The following CFAP44 variants were observed in gnomAD, a reference collection of about 807,000 sequenced individuals.
CFAP44 encodes the protein cilia- and flagella-associated protein 44.
A neutral mutation model predicts 216.2 loss-of-function variants in CFAP44; 134 were observed. The observed-to-expected ratio is 0.62, with a 90% CI of 0.54 to 0.72. The LOEUF is 0.72. Among genes scored for constraint, CFAP44 ranks in the 30% least tolerant of loss-of-function variants. The pLI, the probability that CFAP44 is intolerant of heterozygous loss-of-function variation, is 0.00. For synonymous variants in CFAP44, 700 were observed against 727.6 expected (o/e 0.96, Z 0.61); for missense variants, 2,035 against 2,182.1 (o/e 0.93, Z 1.34).
At chr3:113,316,199 T>C (rs946985895) in intron 28 of CFAP44, among the ~76,000 whole-genome samples, 1 of 152,208 alleles carries the variant, frequency 6.6e-6, no homozygotes, top group African/African-American at 2.4e-5. Context: ...ATACAATTCA[T>C]GGGATACAGA....
rs935838021 is a variant in CFAP44 at position 113,294,729 on chromosome 3, C to G, written c.5331G>C (p.Lys1777Asn). The G allele has an allele frequency of 2.6e-6, 4 of 1,535,890 alleles. No individual in the cohort carries two copies. Among genetic ancestry groups the G allele is most frequent in the African/African-American group, 2.7e-5 (2 of 72,962 alleles). Residue 1777 changes from lysine to asparagine, a missense_variant, in exon 34 of 35, where the codon AAG (lysine) becomes AAC (asparagine). Physicochemically the swap from Lys to Asn is moderately conservative, Grantham distance 94. Transcript: ENST00000393845. Reference sequence around the variant, plus strand: ...TATTCAACCGAGAATCAAGTTTCTTCTTTTCAATACACAAATCATTCATCT... The same window carrying G: ...TATTCAACCGAGAATCAAGTTTCTTGTTTTCAATACACAAATCATTCATCT... ...LYQMNDLCIE[K>N]KKLDSRLNTL...
intron 4 of CFAP44, among the ~76,000 whole-genome samples, chr3:113,420,557 T>C (rs924097184): frequency 6.6e-6 from 1 of 152,304 alleles, no homozygotes; most frequent in Non-Finnish European, 1.5e-5. Flanking sequence ...ACCTAAATAA[T>C]TTTATTTTCC....
intron 6 of CFAP44, among the ~76,000 whole-genome samples, chr3:113,412,312 C>A (rs936065447): frequency 2.6e-5 from 4 of 152,108 alleles, no homozygotes; most frequent in Non-Finnish European, 5.9e-5. Context: ...TATGGATTCA[C>A]CTCAAATTAT....
At chr3:113,322,951 TC>T (rs777123647) in intron 28 of CFAP44, among the ~76,000 whole-genome samples, 26 of 152,282 alleles carry the variant, frequency 1.7e-4, no homozygotes, top group Non-Finnish European at 3.4e-4. Flanking sequence ...CATGTCCTCC[TC>T]CACATGGCAG....
chr3:113,393,996 T>C (rs1358958862), intron 15 of CFAP44, among the ~76,000 whole-genome samples: 2 of 152,232 alleles, frequency 1.3e-5, no homozygotes, highest in Non-Finnish European at 2.9e-5. Context: ...TATTCCTTTA[T>C]AGCCATACAA....
At position 113,420,065 on chromosome 3, in the gene CFAP44, T is replaced by C. The variant is rs1428028327; in HGVS notation, c.522A>G (p.Glu174=). ...QLIFLNLKTK[E]QIYLRSSSGE... Reference sequence around the variant, plus strand: ...CACTGCTACTTCGCAGGTAGATCTGTTCCTTGGTTTTCAAATTCAGAAAGA... The same window carrying C: ...CACTGCTACTTCGCAGGTAGATCTGCTCCTTGGTTTTCAAATTCAGAAAGA... The change falls in exon 5 of 35, where the codon GAA becomes GAG. Residue 174 remains glutamate, a synonymous_variant. Transcript: ENST00000393845. The C allele has an allele frequency of 2.5e-6, 4 of 1,613,736 alleles. No homozygotes were observed. Among genetic ancestry groups the C allele is most frequent in the Non-Finnish European group, 2.5e-6 (3 of 1,179,856 alleles).
In CFAP44 at chr3:113,433,609, C is replaced by T; in HGVS notation, c.56G>A (p.Ser19Asn). The stretch of plus-strand genomic sequence containing the variant: ...AGACCTCAGAGACTTCTTCCCATCA[C>T]TCTTTGATGTAACTGATTTCTCCCC... ...TDGEKSVTSK[S>N]DGKKSLRSSK... Residue 19 changes from serine (S) to asparagine (N), a missense_variant, in exon 2 of 35, where the codon AGT becomes AAT. By Grantham distance (46) the Ser-to-Asn change is conservative. Coordinates refer to ENST00000393845, the MANE Select transcript of CFAP44 (RefSeq NM_001164496.2). 1 of 1,613,328 alleles carries T rather than the reference C, an allele frequency of 6.2e-7. No homozygotes were observed. The highest frequency in any genetic ancestry group is 8.5e-7 in the Non-Finnish European group (1 of 1,179,888).
intron 27 of CFAP44, among the ~76,000 whole-genome samples, chr3:113,327,318 C>T (rs1950197297): frequency 6.6e-6 from 1 of 151,900 alleles, no homozygotes; most frequent in Admixed American, 6.6e-5. Context: ...TTTAGGGAAC[C>T]CAACTCACCA....
intron 24 of CFAP44, among the ~76,000 whole-genome samples, chr3:113,334,969 C>T (rs566070886): frequency 6.6e-6 from 1 of 151,686 alleles, no homozygotes; most frequent in East Asian, 1.9e-4. Context: ...ATTGTATTAA[C>T]TGATAATCAT....
At chr3:113,418,045 T>C (rs1056214660) in intron 5 of CFAP44, among the ~76,000 whole-genome samples, 4 of 139,640 alleles carry the variant, frequency 2.9e-5, no homozygotes, top group African/African-American at 5.3e-5. Flanking sequence ...ATTTAATTAT[T>C]TATTGAGACA....
Position 113,395,756 on chromosome 3 carries a change from C to T in CFAP44, c.1884G>A (p.Met628Ile). ...ACAAATAATAATGACTTACATGAGA[C>T]ATGGGAGACCACATTAACTGACACA... is the stretch of plus-strand genomic sequence containing the variant. ...GPVCQLMWSP[M>I]SHPESTLLII... Residue 628 changes from methionine to isoleucine, a missense_variant, in exon 15 of 35, where the codon ATG becomes ATA. Around this residue, in one of 3 missense-constraint regions of CFAP44, gnomAD observed 1,883 missense variants for 2,023.7 expected, o/e 0.93. Coordinates refer to ENST00000393845, the MANE Select transcript of CFAP44 (RefSeq NM_001164496.2). 6.2e-7 allele frequency: 1 copy of T among 1,608,872 alleles called. No individual in the cohort carries two copies. The highest frequency in any genetic ancestry group is 8.5e-7 in the Non-Finnish European group (1 of 1,177,276).
rs1488936549 is a variant in CFAP44, at chr3:113,290,737, A to G, written c.*820T>C. On this transcript the variant is annotated 3_prime_UTR_variant, in exon 35 of 35. Coordinates refer to ENST00000393845, the MANE Select transcript of CFAP44 (RefSeq NM_001164496.2). ...AATCTATTTCATTATCTCCTCATCT[A>G]TATCAAAACCAGCAAATGGCCCAAG... 6.6e-6 allele frequency: 1 copy of G among 152,254 alleles called. No individual in the cohort carries two copies. The highest frequency in any genetic ancestry group is 1.5e-5 in the Non-Finnish European group (1 of 68,042). 9.4% of individuals were successfully genotyped at this position (152,254 alleles called of 1,614,324 possible). A position where few individuals can be genotyped will look rare whatever the true frequency, so the allele number is the denominator to read the frequency against.
At chr3:113,358,068 T>TA (rs1045424852) in intron 22 of CFAP44, among the ~76,000 whole-genome samples, 20 of 152,042 alleles carry the variant, frequency 1.3e-4, no homozygotes, top group Non-Finnish European at 1.3e-4. Flanking sequence ...ATATGAGTTT[T>TA]AAAAAAAGGC....
intron 24 of CFAP44, among the ~76,000 whole-genome samples, chr3:113,334,555 T>G (rs1023140549): frequency 6.6e-6 from 1 of 152,066 alleles, no homozygotes; most frequent in Non-Finnish European, 1.5e-5. Context: ...CAAAAAGGAT[T>G]GAATATTATC....
intron 21 of CFAP44, among the ~76,000 whole-genome samples, chr3:113,359,607 G>GT (rs1207724621): frequency 6.6e-6 from 1 of 151,992 alleles, no homozygotes; most frequent in Non-Finnish European, 1.5e-5. Context: ...TTTTGACCTG[G>GT]TTTTTTTAAC....
intron 24 of CFAP44, among the ~76,000 whole-genome samples, chr3:113,338,857 G>A (rs1351777033): frequency 6.6e-6 from 1 of 152,146 alleles, no homozygotes; most frequent in Non-Finnish European, 1.5e-5. Flanking sequence ...GCAAGTGAGG[G>A]GCTGAAGCTG....
chr3:113,300,564 C>T (rs1217001430), intron 32 of CFAP44, among the ~76,000 whole-genome samples: 1 of 150,596 alleles, frequency 6.6e-6, no homozygotes, highest in African/African-American at 2.4e-5. Context: ...CCTCCATAAA[C>T]GTGAAAACAA....
At chr3:113,343,536 T>G (rs1950354897) in intron 23 of CFAP44, among the ~76,000 whole-genome samples, 1 of 152,238 alleles carries the variant, frequency 6.6e-6, no homozygotes, top group Non-Finnish European at 1.5e-5. Context: ...GTGGCCTGTG[T>G]GGTCATGGGA....
intron 2 of CFAP44, 107 bp downstream of exon 2, chr3:113,433,458 A>AAAAAAAAAAAATT: frequency 3.4e-6 from 1 of 295,860 alleles, no homozygotes; most frequent in Non-Finnish European, 6.2e-6. Flanking sequence ...AAAAAAAAAG[A>AAAAAAAAAAAATT]TCTATTTTAT....
Sources: gnomAD v4.1 joint callset for allele counts (sites outside exome capture counted in the v4.1 genomes callset) on GRCh38, gnomAD v4.1.1 for gene constraint, gnomAD v4.1.1 regional missense constraint, MANE v1.5 for transcripts, NCBI Gene and HGNC (gene_info 2026-07-23, HGNC 2026-07-21) for gene names.